The following SLC16A7 variants were observed in gnomAD, a reference collection of about 807,000 sequenced individuals.
SLC16A7 encodes monocarboxylate transporter 2.
Under a neutral mutation model 34.9 loss-of-function variants are expected in SLC16A7, and 33 were observed. The observed-to-expected ratio is 0.94, with a 90% CI of 0.72 to 1.26. The LOEUF is 1.26. Ranked by LOEUF, SLC16A7 falls within the 50% of genes most tolerant of loss-of-function variation. The pLI is 0.00. For synonymous variants in SLC16A7, 201 were observed against 206.6 expected, an observed-to-expected ratio of 0.97 and a Z score of 0.23; for missense variants, 573 against 578.1, an observed-to-expected ratio of 0.99 and a Z score of 0.09.
chr12:59,675,559 A>G (rs1379439778), intron 2 of SLC16A7, among the ~76,000 whole-genome samples: 1 of 152,200 alleles, frequency 6.6e-6, no homozygotes, highest in African/African-American at 2.4e-5. Flanking sequence ...GCAGACTAGC[A>G]TACACAGCAG....
chr12:59,685,717 T>C (rs979908643), intron 2 of SLC16A7, among the ~76,000 whole-genome samples: 1 of 152,122 alleles, frequency 6.6e-6, no homozygotes, highest in Non-Finnish European at 1.5e-5. Flanking sequence ...TATTAGTTCT[T>C]TTATATTTGA....
chr12:59,776,448 CA>C lies in SLC16A7; in HGVS notation c.1180+974del. Among the ~76,000 whole-genome samples the C allele has an allele frequency of 3.3e-5, 5 of 152,160 alleles. No homozygotes were observed. The East Asian group carries it at 9.7e-4, about 29-fold the overall frequency. ...TAAATATTACATTCTGTTTGTGCAC[CA>C]GCCTTTGCCAGCAACCAATGTATAT... On this transcript the variant is annotated intron_variant, in intron 5 of 5. Coordinates refer to ENST00000547379, the MANE Select transcript of SLC16A7 (RefSeq NM_001270623.2).
chr12:59,723,392 A>T (rs1875840648), intron 3 of SLC16A7, among the ~76,000 whole-genome samples: 1 of 151,978 alleles, frequency 6.6e-6, no homozygotes, highest in South Asian at 2.1e-4. Flanking sequence ...TGATGTACAA[A>T]GGTGACAAAG....
chr12:59,678,184 C>T (rs759646236), intron 2 of SLC16A7, among the ~76,000 whole-genome samples: 2 of 152,220 alleles, frequency 1.3e-5, no homozygotes, highest in Non-Finnish European at 2.9e-5. Flanking sequence ...CTCTGCCTCT[C>T]TCTTCTCTCC....
rs1883259947 is a variant in SLC16A7, at chr12:59,781,731, G to T, written c.*2052G>T. ...ATTCAACTCAGATTTGTCAAGAAAT[G>T]TAACCTCTAAATTGTGTAGTACCTC... On this transcript the variant is annotated 3_prime_UTR_variant, in exon 6 of 6. Transcript: ENST00000547379. The T allele has an allele frequency of 6.6e-6, 1 of 152,532 alleles. No individual in the cohort carries two copies. The highest frequency in any genetic ancestry group is 1.9e-4 in the East Asian group (1 of 5,178). The allele number at this position is 152,532 out of a possible 1,614,324, so 9.4% of individuals were successfully genotyped here. A position where few individuals can be genotyped will look rare whatever the true frequency, so the allele number is the denominator to read the frequency against.
At chr12:59,627,358 T>C (rs186556630) in intron 1 of SLC16A7, among the ~76,000 whole-genome samples, 101 of 152,072 alleles carry the variant, frequency 6.6e-4, no homozygotes, top group Non-Finnish European at 4.7e-4. Flanking sequence ...TTTCTTGTGC[T>C]GTATAAAGTA....
intron 5 of SLC16A7, among the ~76,000 whole-genome samples, chr12:59,775,729 C>T (rs986228532): frequency 6.6e-6 from 1 of 152,024 alleles, no homozygotes; most frequent in African/African-American, 2.4e-5. Flanking sequence ...ACATAATCTT[C>T]AGGATTTTTA....
At chr12:59,681,408 T>TA (rs1459781842) in intron 2 of SLC16A7, among the ~76,000 whole-genome samples, 1 of 152,214 alleles carries the variant, frequency 6.6e-6, no homozygotes, top group East Asian at 1.9e-4. Context: ...ACTAGCTCTG[T>TA]AAGCATACAG....
intron 2 of SLC16A7, among the ~76,000 whole-genome samples, chr12:59,672,861 C>A (rs1056653089): frequency 6.6e-6 from 1 of 152,102 alleles, no homozygotes; most frequent in Non-Finnish European, 1.5e-5. Flanking sequence ...ATATAATAAT[C>A]AAAGAGCTTT....
chr12:59,657,992 T>G (rs912616377), intron 2 of SLC16A7, among the ~76,000 whole-genome samples: 1 of 151,962 alleles, frequency 6.6e-6, no homozygotes, highest in Admixed American at 6.6e-5. Context: ...TCTGTGCCTG[T>G]CTTTTGACAC....
rs558795363 is a variant in SLC16A7 at position 59,788,806 on chromosome 12, G to T, written c.*9127G>T. On this transcript the variant is annotated 3_prime_UTR_variant, in exon 6 of 6. Transcript: ENST00000547379. ...GCATTTTCATATGGATACATATTTT[G>T]CTTAAACTAAATAAAATAACTTAGA... The T allele has an allele frequency of 1.6e-4, 25 of 152,002 alleles. No homozygotes were observed. Among genetic ancestry groups the T allele is most frequent in the African/African-American group, 6.0e-4 (25 of 41,522 alleles). 9.4% of individuals were successfully genotyped at this position (152,002 alleles called of 1,614,324 possible). A position where few individuals can be genotyped will look rare whatever the true frequency, so the allele number is the denominator to read the frequency against.
chr12:59,617,766 A>G (rs1471439237), intron 1 of SLC16A7, among the ~76,000 whole-genome samples: 2 of 152,008 alleles, frequency 1.3e-5, no homozygotes, highest in African/African-American at 4.8e-5. Context: ...ATCGACTCAA[A>G]TAATTTAAAT....
intron 1 of SLC16A7, among the ~76,000 whole-genome samples, chr12:59,643,411 A>C (rs1038171258): frequency 2.6e-5 from 4 of 152,162 alleles, no homozygotes; most frequent in African/African-American, 9.6e-5. Context: ...TTACATAGTT[A>C]TTCATTTGTT....
At chr12:59,727,118 C>T (rs952036583) in intron 3 of SLC16A7, among the ~76,000 whole-genome samples, 1 of 148,254 alleles carries the variant, frequency 6.7e-6, no homozygotes, top group Non-Finnish European at 1.5e-5. Flanking sequence ...TATTACAATT[C>T]TGTCAGCAAG....
chr12:59,744,443 A>G (rs1366772675), intron 3 of SLC16A7, among the ~76,000 whole-genome samples: 3 of 152,144 alleles, frequency 2.0e-5, no homozygotes, highest in Non-Finnish European at 4.4e-5. Context: ...CTTATCTTCC[A>G]GTTCCATTCC....
At chr12:59,765,922 G>A (rs903281996) in intron 3 of SLC16A7, among the ~76,000 whole-genome samples, 5 of 152,106 alleles carry the variant, frequency 3.3e-5, no homozygotes, top group African/African-American at 9.7e-5. Context: ...ATTACCTTGG[G>A]CAGTATGGCC....
At chr12:59,672,805 A>T (rs1869999480) in intron 2 of SLC16A7, among the ~76,000 whole-genome samples, 1 of 152,130 alleles carries the variant, frequency 6.6e-6, no homozygotes, top group South Asian at 2.1e-4. Context: ...TTGCAGTTAG[A>T]TATGCATTGG....
chr12:59,661,434 A>C (rs1868845628), intron 2 of SLC16A7, among the ~76,000 whole-genome samples: 1 of 152,064 alleles, frequency 6.6e-6, no homozygotes, highest in South Asian at 2.1e-4. Context: ...TAGTGCATTT[A>C]ATAGAAAGCT....
chr12:59,731,412 T>G (rs1283374110), intron 3 of SLC16A7, among the ~76,000 whole-genome samples: 2 of 152,258 alleles, frequency 1.3e-5, no homozygotes, highest in African/African-American at 4.8e-5. Context: ...GGTTAAATGG[T>G]GAAAGATCAC....
Sources: allele counts gnomAD v4.1 joint callset (sites outside exome capture counted in the v4.1 genomes callset), GRCh38; gene constraint gnomAD v4.1.1; transcripts MANE v1.5; gene names NCBI Gene and HGNC (gene_info 2026-07-23, HGNC 2026-07-21).